Variants in ARL6IP5 observed in about 807,000 individuals in gnomAD.
ARL6IP5 encodes the protein ARF like GTPase 6 interacting protein 5, also known as PRA1 family protein 3.
A neutral mutation model predicts 13.0 loss-of-function variants in ARL6IP5; 6 were observed. The observed-to-expected ratio is 0.46, with a 90% confidence interval of 0.25 to 0.91. The LOEUF (loss-of-function observed/expected upper bound fraction) is 0.91. Ranked by LOEUF, ARL6IP5 falls within the 40% of genes least tolerant of loss-of-function variation. ARL6IP5 has a pLI of 0.17. For missense variants in ARL6IP5, 208 were observed against 248.8 expected (o/e 0.84, Z 1.10); for synonymous variants, 91 against 91.9 (o/e 0.99, Z 0.06).
chr3:69,096,901 G>A (rs1053808541), intron 1 of ARL6IP5, among the ~76,000 whole-genome samples: 3 of 151,860 alleles, frequency 2.0e-5, no homozygotes, highest in East Asian at 1.9e-4. Context: ...TGTACCTGGC[G>A]ATCTTTGTTT....
In ARL6IP5 at chr3:69,101,856, A is replaced by G. The variant is rs1400346208; in HGVS notation, c.194A>G (p.Asn65Ser). ...ISIVGFLSPF[N>S]MILGGIVVVL... ...TATTTCAGGTTTCTGAGTCCCTTCA[A>G]CATGATCCTGGGAGGAATCGTGGTG... is the stretch of plus-strand genomic sequence containing the variant. Residue 65 changes from asparagine (N) to serine (S), a missense_variant, in exon 2 of 3, where the codon AAC (asparagine) becomes AGC (serine). Transcript: ENST00000273258. 3.7e-6 allele frequency: 6 copies of G among 1,613,584 alleles called. No homozygotes were observed. Among genetic ancestry groups the G allele is most frequent in the Non-Finnish European group, 5.1e-6 (6 of 1,179,798 alleles).
At chr3:69,096,418 T>C (rs948648331) in intron 1 of ARL6IP5, among the ~76,000 whole-genome samples, 4 of 152,140 alleles carry the variant, frequency 2.6e-5, no homozygotes, top group African/African-American at 7.2e-5. Flanking sequence ...AATTTTGTTA[T>C]ATGCTTCACT....
chr3:69,100,900 CTGAA>C (rs2092303260), intron 1 of ARL6IP5, among the ~76,000 whole-genome samples: 1 of 152,056 alleles, frequency 6.6e-6, no homozygotes, highest in Non-Finnish European at 1.5e-5. Flanking sequence ...TTTATTCTGT[CTGAA>C]TGAGAAGGCA....
In ARL6IP5 at chr3:69,104,719, T is replaced by C; in HGVS notation, c.*83T>C. ...CAGACCTATGTTCTGCTTGCGTTTTTGAAACAGGAGGTGCACGTACCACCC... is the reference window on the plus strand; with the variant it reads ...CAGACCTATGTTCTGCTTGCGTTTTCGAAACAGGAGGTGCACGTACCACCC... On this transcript the variant is annotated 3_prime_UTR_variant, in exon 3 of 3. Transcript: ENST00000273258. The C allele has an allele frequency of 1.3e-6, 2 of 1,495,498 alleles. No homozygotes were observed. Among genetic ancestry groups the C allele is most frequent in the Non-Finnish European group, 1.8e-6 (2 of 1,089,486 alleles). The allele number at this position is 1,495,498 out of a possible 1,614,324, so 92.6% of individuals were successfully genotyped here. A position where few individuals can be genotyped will look rare whatever the true frequency, so the allele number is the denominator to read the frequency against.
intron 1 of ARL6IP5, among the ~76,000 whole-genome samples, chr3:69,085,629 G>A (rs1336971304): frequency 6.6e-6 from 1 of 152,180 alleles, no homozygotes; most frequent in African/African-American, 2.4e-5. Flanking sequence ...GCTGGCTGGG[G>A]CGGCAGGGTG....
chr3:69,092,315 A>G (rs2092270542), intron 1 of ARL6IP5, among the ~76,000 whole-genome samples: 1 of 152,144 alleles, frequency 6.6e-6, no homozygotes, highest in South Asian at 2.1e-4. Context: ...GTCTCAGAGG[A>G]AAAAGAATGC....
intron 1 of ARL6IP5, among the ~76,000 whole-genome samples, chr3:69,091,058 C>A (rs1051617424): frequency 3.9e-5 from 6 of 152,080 alleles, no homozygotes; most frequent in African/African-American, 9.6e-5. Context: ...ATTAGCCTGG[C>A]GTGGTGGCAT....
chr3:69,094,668 C>T (rs930732440), intron 1 of ARL6IP5, among the ~76,000 whole-genome samples: 1 of 152,198 alleles, frequency 6.6e-6, no homozygotes, highest in African/African-American at 2.4e-5. Context: ...AAATATTTTG[C>T]TGCCTCTTTG....
At position 69,104,898 on chromosome 3, in the gene ARL6IP5, C is replaced by G. The variant is rs114156698; in HGVS notation, c.*262C>G. 2.9e-6 allele frequency: 2 copies of G among 701,596 alleles called. No homozygotes were observed. The highest frequency in any genetic ancestry group is 5.2e-6 in the Non-Finnish European group (2 of 384,884). The allele number at this position is 701,596 out of a possible 1,614,324, so 43.5% of individuals were successfully genotyped here. ...GAAATCTAATGGGAAATGGATCACA[C>G]GATTTCTTTAAGGGAATTAAAAAAA... is the stretch of plus-strand genomic sequence containing the variant. On this transcript the variant is annotated 3_prime_UTR_variant, in exon 3 of 3. Transcript: ENST00000273258.
intron 1 of ARL6IP5, among the ~76,000 whole-genome samples, chr3:69,096,597 C>CT (rs11291168): frequency 0.059 from 4,117 of 69,574 alleles, 202 homozygotes; most frequent in Non-Finnish European, 0.076. Flanking sequence ...TTTTGCTTTG[C>CT]TTTTTTTTTT....
Position 69,101,937 on chromosome 3 carries a change from G to A in ARL6IP5, c.275G>A (p.Arg92Gln), listed in dbSNP as rs377329937. The change falls in exon 2 of 3, where the codon CGG becomes CAG. Residue 92 changes from arginine to glutamine, a missense_variant. By Grantham distance (43) the Arg-to-Gln change is conservative. Coordinates refer to ENST00000273258, the MANE Select transcript of ARL6IP5 (RefSeq NM_006407.4). ...GCCCACAATAAAGACGTCCTTCGCC[G>A]GATGAAGAAGCGCTACCCCACGACG... Reference protein sequence around the residue: ...WAAHNKDVLRRMKKRYPTTFV... With the variant: ...WAAHNKDVLRQMKKRYPTTFV... 1.0e-4 allele frequency: 162 copies of A among 1,613,892 alleles called. No individual in the cohort carries two copies. Among genetic ancestry groups the A allele is most frequent in the Middle Eastern group, 1.6e-4 (1 of 6,084 alleles).
At chr3:69,094,760 C>G (rs2092281740) in intron 1 of ARL6IP5, among the ~76,000 whole-genome samples, 2 of 152,144 alleles carry the variant, frequency 1.3e-5, no homozygotes, top group African/African-American at 4.8e-5. Flanking sequence ...TTATGGCAAA[C>G]TTTTATTGCC....
At chr3:69,098,452 C>T (rs754787669) in intron 1 of ARL6IP5, among the ~76,000 whole-genome samples, 1 of 152,020 alleles carries the variant, frequency 6.6e-6, no homozygotes, top group Non-Finnish European at 1.5e-5. Context: ...ACCATGTAGG[C>T]CAGGCTGGTC....
rs2092318904 is a variant in ARL6IP5 at position 69,105,180 on chromosome 3, T to C, written c.*544T>C. ...TGCAGTGGAAACTGGTTAAGCCAGT[T>C]GTTCATACTTCCTTTACAAATATAA... On this transcript the variant is annotated 3_prime_UTR_variant, in exon 3 of 3. Coordinates refer to ENST00000273258, the MANE Select transcript of ARL6IP5 (RefSeq NM_006407.4). 3.2e-6 allele frequency: 1 copy of C among 314,134 alleles called. No homozygotes were observed. The highest frequency in any genetic ancestry group is 4.6e-5 in the Admixed American group (1 of 21,518). The allele number at this position is 314,134 out of a possible 1,614,324, so 19.5% of individuals were successfully genotyped here. A position where few individuals can be genotyped will look rare whatever the true frequency, so the allele number is the denominator to read the frequency against.
intron 1 of ARL6IP5, among the ~76,000 whole-genome samples, chr3:69,099,569 A>C (rs542416678): frequency 6.6e-6 from 1 of 152,244 alleles, no homozygotes; most frequent in Non-Finnish European, 1.5e-5. Context: ...AGGCAGAAAC[A>C]GAGCTAAAAT....
chr3:69,100,793 A>G (rs913377912), intron 1 of ARL6IP5, among the ~76,000 whole-genome samples: 5 of 151,934 alleles, frequency 3.3e-5, no homozygotes, highest in African/African-American at 1.2e-4. Context: ...ATAAAAAAAA[A>G]AAAAAAAGAA....
intron 2 of ARL6IP5, 65 bp from the exon 3 acceptor site, chr3:69,104,399 T>G: frequency 6.8e-7 from 1 of 1,472,924 alleles, no homozygotes; most frequent in Non-Finnish European, 9.3e-7. Flanking sequence ...AGAGAGGGAG[T>G]GTAATATTGA....
chr3:69,098,910 C>T (rs931730263), intron 1 of ARL6IP5, among the ~76,000 whole-genome samples: 7 of 151,896 alleles, frequency 4.6e-5, no homozygotes, highest in African/African-American at 1.7e-4. Context: ...TCATAAATAC[C>T]ACTAATATCA....
Position 69,102,058 on chromosome 3 carries a change from T to A in ARL6IP5, c.394+2T>A. On this transcript the variant is annotated splice_donor_variant, in intron 2 of 2. Coordinates refer to ENST00000273258, the MANE Select transcript of ARL6IP5 (RefSeq NM_006407.4). LOFTEE classifies it high-confidence loss of function. ...TTGGCATTACTTTTCCTTTGCTGTG[T>A]AAGTGAACTTGAGTTTTTTCTTCCA... 2 of 1,613,186 alleles carry A rather than the reference T, an allele frequency of 1.2e-6. No homozygotes were observed. Among genetic ancestry groups the A allele is most frequent in the Admixed American group, 1.7e-5 (1 of 59,998 alleles).
Sources: gnomAD v4.1 joint callset for allele counts (sites outside exome capture counted in the v4.1 genomes callset) on GRCh38, gnomAD v4.1.1 for gene constraint, MANE v1.5 for transcripts, NCBI Gene and HGNC (gene_info 2026-07-23, HGNC 2026-07-21) for gene names.